RABGEF1: variants seen among roughly 807,000 people sequenced by gnomAD.
RABGEF1 encodes the protein rab5 GDP/GTP exchange factor.
A neutral mutation model predicts 57.3 loss-of-function variants in RABGEF1; 26 were observed. The observed-to-expected ratio is 0.45, with a 90% CI of 0.33 to 0.63. The LOEUF is 0.63. Among genes scored for constraint, RABGEF1 ranks in the 20% least tolerant of loss-of-function variants. The pLI, the probability that RABGEF1 is intolerant of heterozygous loss-of-function variation, is 0.02. For synonymous variants in RABGEF1, 185 were observed against 210.7 expected, an observed-to-expected ratio of 0.88 and a Z score of 1.06; for missense variants, 464 against 607.6, an observed-to-expected ratio of 0.76 and a Z score of 2.48.
chr7:66,801,899 T>G (rs139232628), intron 7 of RABGEF1, among the ~76,000 whole-genome samples: 64 of 152,026 alleles, frequency 4.2e-4, no homozygotes, highest in Middle Eastern at 3.4e-3. Flanking sequence ...GACTTATTTA[T>G]TTAGTTAGTT....
At chr7:66,807,378 C>A (rs988318507) in intron 8 of RABGEF1, among the ~76,000 whole-genome samples, 13 of 152,216 alleles carry the variant, frequency 8.5e-5, no homozygotes, top group African/African-American at 2.9e-4. Flanking sequence ...CTTTGTTCTG[C>A]AACTTCTGTT....
rs1806731368 is a variant in RABGEF1 at position 66,770,131 on chromosome 7, G to GT, written c.-17-1751dup. On this transcript the variant is annotated intron_variant, in intron 1 of 8. Coordinates refer to ENST00000284957, the MANE Select transcript of RABGEF1 (RefSeq NM_014504.3). ...ACTTTTGGTTATGAGCTTCATGAGGGTAAGGACATGTTCTATGAGTTGCAT... is the reference window on the plus strand; with the variant it reads ...ACTTTTGGTTATGAGCTTCATGAGGGTTAAGGACATGTTCTATGAGTTGCAT... Among the ~76,000 whole-genome samples the GT allele has an allele frequency of 3.3e-5, 5 of 152,214 alleles. No individual in the cohort carries two copies. In the South Asian group the frequency reaches 1.0e-3, roughly 32 times the overall value.
Position 66,811,394 on chromosome 7 carries a change from G to A in RABGEF1, c.*2110G>A, listed in dbSNP as rs1007287181. 2 of 152,350 alleles carry A rather than the reference G, an allele frequency of 1.3e-5. No homozygotes were observed. Among genetic ancestry groups the A allele is most frequent in the Admixed American group, 6.6e-5 (1 of 15,260 alleles). The allele number at this position is 152,350 out of a possible 1,614,324, so 9.4% of individuals were successfully genotyped here. A position where few individuals can be genotyped will look rare whatever the true frequency, so the allele number is the denominator to read the frequency against. On this transcript the variant is annotated 3_prime_UTR_variant, in exon 9 of 9. Coordinates refer to ENST00000284957, the MANE Select transcript of RABGEF1 (RefSeq NM_014504.3). ...TGTTGGTATTTTATGTAGGGTAAAT[G>A]TGACTGGAATACACCTTTGGAACGG...
chr7:66,678,059 C>G (rs183896607), upstream of RABGEF1, among the ~76,000 whole-genome samples: 104 of 149,676 alleles, frequency 6.9e-4, no homozygotes, highest in African/African-American at 2.5e-3. Context: ...GACCCTGTCT[C>G]GAAAAAAAAA....
chr7:66,764,056 T>C (rs1465125254), intron 1 of RABGEF1, among the ~76,000 whole-genome samples: 1 of 152,234 alleles, frequency 6.6e-6, no homozygotes, highest in Non-Finnish European at 1.5e-5. Flanking sequence ...GCCAGACTTC[T>C]CCACAATGGC....
intron 7 of RABGEF1, among the ~76,000 whole-genome samples, chr7:66,800,852 G>A (rs1450573669): frequency 6.6e-6 from 1 of 152,192 alleles, no homozygotes; most frequent in African/African-American, 2.4e-5. Flanking sequence ...GAGTGTTTGT[G>A]TGACCCATCA....
In RABGEF1 at chr7:66,809,017, T is replaced by A; in HGVS notation, c.1209T>A (p.Ala403=). The change falls in exon 9 of 9, where the codon GCT becomes GCA. Residue 403 remains alanine, a synonymous_variant. Coordinates refer to ENST00000284957, the MANE Select transcript of RABGEF1 (RefSeq NM_014504.3). The part of the protein sequence containing the change: ...KQEAESWSPD[A]CLGVKQMYKN... ...AAGCTGAGAGTTGGTCTCCTGATGC[T>A]TGCTTAGGCGTCAAGCAAATGTATA... 1 of 1,614,178 alleles carries A rather than the reference T, an allele frequency of 6.2e-7. No individual in the cohort carries two copies. Among genetic ancestry groups the A allele is most frequent in the Non-Finnish European group, 8.5e-7 (1 of 1,180,024 alleles).
At chr7:66,717,243 T>C (rs1232323872) in intron 2 of RABGEF1, among the ~76,000 whole-genome samples, 3 of 152,190 alleles carry the variant, frequency 2.0e-5, no homozygotes, top group African/African-American at 7.2e-5. Context: ...TACACCAAAC[T>C]TTTTACTTTC....
At chr7:66,754,661 C>G (rs886696162) in intron 1 of RABGEF1, among the ~76,000 whole-genome samples, 3 of 152,090 alleles carry the variant, frequency 2.0e-5, no homozygotes, top group Admixed American at 2.0e-4. Context: ...ATTTTAGATA[C>G]AAAAGACTTC....
intron 1 of RABGEF1, among the ~76,000 whole-genome samples, chr7:66,757,505 A>G (rs1803045875): frequency 6.6e-6 from 1 of 152,230 alleles, no homozygotes; most frequent in African/African-American, 2.4e-5. Context: ...TTGTATCCCA[A>G]GTGCCTTTCG....
chr7:66,690,588 G>A (rs1429830816), intron 1 of RABGEF1, among the ~76,000 whole-genome samples: 3 of 151,296 alleles, frequency 2.0e-5, no homozygotes, highest in African/African-American at 7.3e-5. Flanking sequence ...GGTGTTACAT[G>A]CCTGTGGTTC....
At chr7:66,790,258 GA>G (rs1464590753) in intron 4 of RABGEF1, among the ~76,000 whole-genome samples, 3 of 152,230 alleles carry the variant, frequency 2.0e-5, no homozygotes, top group Admixed American at 6.5e-5. Flanking sequence ...GTGGAGTCCA[GA>G]TTCAGGAAGT....
chr7:66,674,319 A>C, the RABGEF1 span, among the ~76,000 whole-genome samples: 39 of 152,046 alleles, frequency 2.6e-4, no homozygotes, highest in East Asian at 6.6e-3. Context: ...CCTCCTGAGT[A>C]GATGGGATTA....
chr7:66,728,092 C>G (rs750366539), intron 2 of RABGEF1, among the ~76,000 whole-genome samples: 3 of 152,212 alleles, frequency 2.0e-5, no homozygotes, highest in Non-Finnish European at 4.4e-5. Flanking sequence ...CTCATCACCC[C>G]CAGCAGCTCA....
chr7:66,678,996 A>G (rs898391783), upstream of RABGEF1, among the ~76,000 whole-genome samples: 11 of 152,220 alleles, frequency 7.2e-5, no homozygotes, highest in African/African-American at 2.7e-4. Flanking sequence ...TCATAAAGTC[A>G]TGTGTGATAG....
intron 1 of RABGEF1, among the ~76,000 whole-genome samples, chr7:66,755,154 C>T (rs767818133): frequency 1.2e-4 from 19 of 152,064 alleles, no homozygotes; most frequent in Non-Finnish European, 2.4e-4. Context: ...ATTAGCTGGG[C>T]GTGGTGGCAG....
chr7:66,809,391 C>A lies in RABGEF1; in HGVS notation c.*107C>A, dbSNP rs147038500. 1.4e-6 allele frequency: 1 copy of A among 692,982 alleles called. No homozygotes were observed. Among genetic ancestry groups the A allele is most frequent in the Non-Finnish European group, 2.2e-6 (1 of 463,926 alleles). The allele number at this position is 692,982 out of a possible 1,614,324, so 42.9% of individuals were successfully genotyped here. A position where few individuals can be genotyped will look rare whatever the true frequency, so the allele number is the denominator to read the frequency against. On this transcript the variant is annotated 3_prime_UTR_variant, in exon 9 of 9. Coordinates refer to ENST00000284957, the MANE Select transcript of RABGEF1 (RefSeq NM_014504.3). ...TAACTAAATTGCTTATAAATGTCAG[C>A]ATTTTTTAAAGGTACAGTATATGGG...
chr7:66,779,999 C>T (rs573052458), intron 3 of RABGEF1, among the ~76,000 whole-genome samples: 18 of 152,254 alleles, frequency 1.2e-4, no homozygotes, highest in African/African-American at 4.3e-4. Context: ...CTTGTATGAT[C>T]ATAACTAGCT....
intron 6 of RABGEF1, among the ~76,000 whole-genome samples, chr7:66,798,574 T>C (rs1786563345): frequency 6.6e-6 from 1 of 152,026 alleles, no homozygotes; most frequent in Admixed American, 6.6e-5. Context: ...GCAGGGTAGT[T>C]GGAGTGCAGT....
Sources: gnomAD v4.1 joint callset for allele counts (sites outside exome capture counted in the v4.1 genomes callset) on GRCh38, gnomAD v4.1.1 for gene constraint, MANE v1.5 for transcripts, NCBI Gene and HGNC (gene_info 2026-07-23, HGNC 2026-07-21) for gene names.